The following NFATC3 variants were observed in gnomAD, a reference collection of about 807,000 sequenced individuals.
The protein encoded by NFATC3 is nuclear factor of activated T cells 3.
In NFATC3, 46 loss-of-function variants were observed where a neutral mutation model predicts 98.6. The observed-to-expected ratio is 0.47, with a 90% confidence interval of 0.37 to 0.60. The LOEUF (loss-of-function observed/expected upper bound fraction) is 0.60. NFATC3 is among the 20% of genes least tolerant of loss of function. The pLI, the probability that NFATC3 is intolerant of heterozygous loss-of-function variation, is 0.00. For missense variants in NFATC3, 1,256 were observed against 1,295.5 expected (o/e 0.97, Z 0.47); for synonymous variants, 512 against 472.2 (o/e 1.08, Z -1.09).
At chr16:68,111,887 A>G (rs2035964082) in intron 1 of NFATC3, among the ~76,000 whole-genome samples, 1 of 152,158 alleles carries the variant, frequency 6.6e-6, no homozygotes, top group Non-Finnish European at 1.5e-5. Context: ...TACGAAGCTT[A>G]ATTTGTCCGG....
intron 1 of NFATC3, among the ~76,000 whole-genome samples, chr16:68,116,354 A>G (rs1162656397): frequency 2.0e-5 from 3 of 151,954 alleles, no homozygotes; most frequent in Non-Finnish European, 4.4e-5. Context: ...TATTTTGCCA[A>G]CCTCTGCTTC....
chr16:68,153,701 C>T (rs1354866076), intron 3 of NFATC3, among the ~76,000 whole-genome samples: 2 of 152,114 alleles, frequency 1.3e-5, no homozygotes, highest in East Asian at 3.9e-4. Context: ...GCAAGCTCCA[C>T]CTCCTGGGTT....
Position 68,154,178 on chromosome 16 carries a change from C to A in NFATC3, c.1402-3691C>A, listed in dbSNP as rs951239230. 3.9e-5 allele frequency among the ~76,000 whole-genome samples: 6 copies of A among 152,076 alleles called. No individual in the cohort carries two copies. In the South Asian group the frequency reaches 1.2e-3, roughly 32 times the overall value. ...CAAGCAGTCCTCCCGCCTCAGCCTC[C>A]CAAAGTGTTGAGATTACTGGTGTGA... On this transcript the variant is annotated intron_variant, in intron 3 of 9. Coordinates refer to ENST00000346183, the MANE Select transcript of NFATC3 (RefSeq NM_173165.3).
chr16:68,093,971 T>G (rs2034870408), intron 1 of NFATC3, among the ~76,000 whole-genome samples: 2 of 152,230 alleles, frequency 1.3e-5, no homozygotes, highest in South Asian at 4.1e-4. Flanking sequence ...ATTTTCTGCT[T>G]TGGGCTCAAA....
chr16:68,191,737 T>A lies in NFATC3; in HGVS notation c.3068T>A (p.Phe1023Tyr), dbSNP rs1446747271. 4 of 1,614,178 alleles carry A rather than the reference T, an allele frequency of 2.5e-6. No individual in the cohort carries two copies. The highest frequency in any genetic ancestry group is 3.4e-6 in the Non-Finnish European group (4 of 1,180,040). Residue 1023 changes from phenylalanine to tyrosine, a missense_variant, in exon 9 of 10, where the codon TTT (phenylalanine) becomes TAT (tyrosine). This residue lies in a region of NFATC3 where 636 missense variants were observed against 617.3 expected (regional missense o/e 1.03). Transcript: ENST00000346183. ...GAACCAGAAGATCGAGAGCCTAACT[T>A]TGCAACCATTGGTCTGCAGGACATC... ...KPEPEDREPN[F>Y]ATIGLQDITL...
chr16:68,095,124 T>A (rs2034941938), intron 1 of NFATC3, among the ~76,000 whole-genome samples: 1 of 152,008 alleles, frequency 6.6e-6, no homozygotes. Context: ...AGAAAATGGA[T>A]GCTGGGAGGG....
At chr16:68,124,401 T>G (rs2036722150) in intron 2 of NFATC3, among the ~76,000 whole-genome samples, 1 of 150,832 alleles carries the variant, frequency 6.6e-6, no homozygotes, top group African/African-American at 2.4e-5. Flanking sequence ...CAGGAGCCAC[T>G]GTGCCCGGCC....
intron 4 of NFATC3, among the ~76,000 whole-genome samples, chr16:68,161,770 A>G (rs143851104): frequency 2.0e-5 from 3 of 152,254 alleles, no homozygotes; most frequent in East Asian, 3.9e-4. Context: ...ATTTGTATCT[A>G]TATTGTAAAA....
chr16:68,221,661 T>C, intron 9 of NFATC3: 1 of 910,152 alleles, frequency 1.1e-6, no homozygotes, highest in Non-Finnish European at 1.3e-6. Flanking sequence ...TGTAGTATAA[T>C]GTATAGTTGA....
intron 1 of NFATC3, among the ~76,000 whole-genome samples, chr16:68,103,411 C>T (rs1228279349): frequency 1.3e-5 from 2 of 152,054 alleles, no homozygotes; most frequent in East Asian, 1.9e-4. Context: ...GATTTCACCA[C>T]GTTGCCCAGG....
chr16:68,206,648 T>G (rs148987766), intron 9 of NFATC3, among the ~76,000 whole-genome samples: 1 of 152,274 alleles, frequency 6.6e-6, no homozygotes, highest in East Asian at 1.9e-4. Flanking sequence ...ATATTCAATT[T>G]TTTGTGTACA....
At chr16:68,121,066 T>C (rs1598398779) in intron 1 of NFATC3, among the ~76,000 whole-genome samples, 1 of 151,506 alleles carries the variant, frequency 6.6e-6, no homozygotes, top group Non-Finnish European at 1.5e-5. Flanking sequence ...TATCAAGATA[T>C]CTCATTGTGT....
intron 3 of NFATC3, among the ~76,000 whole-genome samples, chr16:68,140,200 A>G (rs1485829862): frequency 1.3e-5 from 2 of 152,084 alleles, no homozygotes; most frequent in African/African-American, 2.4e-5. Context: ...GGGTTTCACC[A>G]TGGTGGTCCG....
chr16:68,175,372 C>T (rs896861641), intron 6 of NFATC3, among the ~76,000 whole-genome samples: 2 of 152,052 alleles, frequency 1.3e-5, no homozygotes, highest in Non-Finnish European at 2.9e-5. Context: ...CTGTGAATAT[C>T]CCCCAACCCT....
chr16:68,202,835 A>T (rs112920666), intron 9 of NFATC3, among the ~76,000 whole-genome samples: 59 of 150,450 alleles, frequency 3.9e-4, no homozygotes, highest in Non-Finnish European at 5.4e-4. Flanking sequence ...TAAATAATAA[A>T]AAAAAATAAA....
chr16:68,136,232 T>C lies in NFATC3; in HGVS notation c.1401+9622T>C, dbSNP rs144753360. 3.4e-3 allele frequency among the ~76,000 whole-genome samples: 524 copies of C among 152,322 alleles called. 6 individuals carry two copies. Among genetic ancestry groups the C allele is most frequent in the African/African-American group, 0.012 (484 of 41,580 alleles). On this transcript the variant is annotated intron_variant, in intron 3 of 9. Coordinates refer to ENST00000346183, the MANE Select transcript of NFATC3 (RefSeq NM_173165.3). ...GTAATAATTTACTTTTTGTAGTGTT[T>C]TGTAGTTTACAAAATGTTTTCCCAG...
chr16:68,159,983 C>A (rs1387780898), intron 4 of NFATC3, among the ~76,000 whole-genome samples: 1 of 151,794 alleles, frequency 6.6e-6, no homozygotes, highest in African/African-American at 2.4e-5. Flanking sequence ...GAGGCTGAGG[C>A]AGGAGAATTG....
intron 9 of NFATC3, among the ~76,000 whole-genome samples, chr16:68,203,670 A>C (rs769420660): frequency 1.3e-5 from 2 of 152,192 alleles, no homozygotes; most frequent in Admixed American, 6.6e-5. Context: ...TAATTTATAC[A>C]TAAGCTAGGA....
intron 4 of NFATC3, among the ~76,000 whole-genome samples, chr16:68,161,117 A>G (rs975578995): frequency 2.0e-5 from 3 of 152,236 alleles, no homozygotes; most frequent in African/African-American, 7.2e-5. Context: ...ATTTTCAAAT[A>G]AGGTTAACAT....
Sources: gnomAD v4.1 joint callset for allele counts (sites outside exome capture counted in the v4.1 genomes callset) on GRCh38, gnomAD v4.1.1 for gene constraint, gnomAD v4.1.1 regional missense constraint, MANE v1.5 for transcripts, NCBI Gene and HGNC (gene_info 2026-07-23, HGNC 2026-07-21) for gene names.